RAPGEF5: variants seen among roughly 807,000 people sequenced by gnomAD.
RAPGEF5 encodes Rap guanine nucleotide exchange factor 5.
Under a neutral mutation model 125.2 loss-of-function variants are expected in RAPGEF5, and 65 were observed. That is an observed-to-expected ratio of 0.52 (90% CI 0.43 to 0.64). The LOEUF is 0.64. Among genes scored for constraint, RAPGEF5 ranks in the 30% least tolerant of loss-of-function variants. The pLI, the probability that RAPGEF5 is intolerant of heterozygous loss-of-function variation, is 0.00. For synonymous variants in RAPGEF5, 391 were observed against 385.9 expected (o/e 1.01, Z -0.16); for missense variants, 958 against 1,048.1 (o/e 0.91, Z 1.19).
intron 1 of RAPGEF5, among the ~76,000 whole-genome samples, chr7:22,336,313 G>A (rs368323083): frequency 1.5e-4 from 23 of 152,288 alleles, no homozygotes; most frequent in African/African-American, 5.5e-4. Flanking sequence ...ACTACATGAA[G>A]TGGTTCCAAA....
chr7:22,345,435 A>C (rs1784204313), intron 1 of RAPGEF5, among the ~76,000 whole-genome samples: 1 of 152,218 alleles, frequency 6.6e-6, no homozygotes, highest in Non-Finnish European at 1.5e-5. Context: ...AGCATCCTCT[A>C]CATAACTAGG....
chr7:22,239,984 G>A (rs1012745623), intron 7 of RAPGEF5, among the ~76,000 whole-genome samples: 4 of 151,982 alleles, frequency 2.6e-5, no homozygotes, highest in Admixed American at 6.5e-5. Context: ...CGAGGCGGGC[G>A]GATCACCTGA....
At position 22,192,872 on chromosome 7, in the gene RAPGEF5, A is replaced by G. The variant is rs113689359; in HGVS notation, c.1204+495T>C. The G allele has an allele frequency of 8.2e-3, 1,395 of 170,854 alleles. 25 individuals are homozygous for G. The highest frequency in any genetic ancestry group is 0.031 in the African/African-American group (1,286 of 41,910). 10.6% of individuals were successfully genotyped at this position (170,854 alleles called of 1,614,324 possible). The stretch of plus-strand genomic sequence containing the variant: ...AGTCTGCACCTCGGGGCTTGTTCTG[A>G]CCAGGCAGTTTGTAAACCACTTGGA... On this transcript the variant is annotated intron_variant, in intron 11 of 25. Coordinates refer to ENST00000665637, the MANE Select transcript of RAPGEF5 (RefSeq NM_012294.5).
chr7:22,273,196 A>T (rs1213980867), intron 6 of RAPGEF5, among the ~76,000 whole-genome samples: 1 of 150,462 alleles, frequency 6.6e-6, no homozygotes, highest in East Asian at 2.0e-4. Context: ...CATCTGTTTC[A>T]AGGCACTTAG....
chr7:22,189,669 A>AG (rs1784932351), intron 11 of RAPGEF5, among the ~76,000 whole-genome samples: 1 of 150,042 alleles, frequency 6.7e-6, no homozygotes, highest in South Asian at 2.1e-4. Flanking sequence ...TGAACCTTGG[A>AG]AAAAAAAAAG....
chr7:22,307,335 G>A (rs975350310), intron 5 of RAPGEF5, among the ~76,000 whole-genome samples: 2 of 152,188 alleles, frequency 1.3e-5, no homozygotes, highest in South Asian at 2.1e-4. Context: ...AAATGGTGGA[G>A]GTGAGGTGGT....
chr7:22,280,184 G>GC (rs1337593706), intron 6 of RAPGEF5, among the ~76,000 whole-genome samples: 1 of 152,032 alleles, frequency 6.6e-6, no homozygotes, highest in Non-Finnish European at 1.5e-5. Context: ...CCACACAATG[G>GC]CCTCATACAG....
intron 7 of RAPGEF5, among the ~76,000 whole-genome samples, chr7:22,256,869 A>C (rs1284293013): frequency 1.3e-5 from 2 of 152,238 alleles, no homozygotes; most frequent in Non-Finnish European, 2.9e-5. Context: ...AATCTTATGA[A>C]GCCTTAAAAT....
chr7:22,326,299 A>G (rs1783813082), intron 1 of RAPGEF5, among the ~76,000 whole-genome samples: 1 of 152,192 alleles, frequency 6.6e-6, no homozygotes, highest in African/African-American at 2.4e-5. Context: ...CCTCTAAACG[A>G]TGTGAGACAG....
chr7:22,196,931 A>G (rs1335018293), intron 9 of RAPGEF5, among the ~76,000 whole-genome samples: 5 of 152,220 alleles, frequency 3.3e-5, no homozygotes, highest in Non-Finnish European at 7.3e-5. Context: ...GAGGAACAGT[A>G]AAGAGGCAGA....
chr7:22,147,152 G>A lies in RAPGEF5; in HGVS notation c.1885-133C>T. 12 of 1,205,752 alleles carry A rather than the reference G, an allele frequency of 1.0e-5. No individual in the cohort carries two copies. The South Asian group carries it at 1.8e-4, about 18-fold the overall frequency. 74.7% of individuals were successfully genotyped at this position (1,205,752 alleles called of 1,614,324 possible). A position where few individuals can be genotyped will look rare whatever the true frequency, so the allele number is the denominator to read the frequency against. ...CTGAGTGCACTTAATATTTTCCCTGGTCTGTTCACCTTCAGTGAGTTACAG... is the reference window on the plus strand; with the variant it reads ...CTGAGTGCACTTAATATTTTCCCTGATCTGTTCACCTTCAGTGAGTTACAG... On this transcript the variant is annotated intron_variant, in intron 18 of 25. Coordinates refer to ENST00000665637, the MANE Select transcript of RAPGEF5 (RefSeq NM_012294.5).
intron 4 of RAPGEF5, 138 bp downstream of exon 4, chr7:22,309,831 A>C (rs1201579764): frequency 1.7e-5 from 18 of 1,043,338 alleles, no homozygotes; most frequent in Non-Finnish European, 2.3e-5. Context: ...TGTCACTTAG[A>C]AAATAAGAGA....
chr7:22,281,509 T>G (rs370326608), intron 6 of RAPGEF5, among the ~76,000 whole-genome samples: 27 of 152,324 alleles, frequency 1.8e-4, no homozygotes, highest in African/African-American at 5.8e-4. Context: ...ACACTGCACC[T>G]GGTGAAGAAG....
chr7:22,207,358 G>A (rs867460952), intron 9 of RAPGEF5, among the ~76,000 whole-genome samples: 33 of 152,188 alleles, frequency 2.2e-4, no homozygotes, highest in African/African-American at 9.6e-5. Flanking sequence ...GGAGAGTTGC[G>A]CGTTATAGTT....
At chr7:22,172,933 C>G (rs1181839015) in intron 11 of RAPGEF5, among the ~76,000 whole-genome samples, 1 of 152,182 alleles carries the variant, frequency 6.6e-6, no homozygotes, top group Non-Finnish European at 1.5e-5. Flanking sequence ...TGACAGGCAA[C>G]TGCCTATAGT....
chr7:22,289,067 G>A lies in RAPGEF5; in HGVS notation c.747+2108C>T, dbSNP rs140152683. Among the ~76,000 whole-genome samples the A allele has an allele frequency of 1.8e-3, 271 of 152,270 alleles. 1 individual carries two copies. Among genetic ancestry groups the A allele is most frequent in the African/African-American group, 6.2e-3 (258 of 41,558 alleles). On this transcript the variant is annotated intron_variant, in intron 6 of 25. Transcript: ENST00000665637. ...TAATTATCATCTCCAAATCCTGACT[G>A]TTTTCAATGGTGGTTCAAGTCCAGT...
intron 23 of RAPGEF5, among the ~76,000 whole-genome samples, chr7:22,133,995 A>G: frequency 6.6e-6 from 1 of 152,194 alleles, no homozygotes. Context: ...CAAGGAGTTC[A>G]ATTTGGTCCC....
intron 5 of RAPGEF5, among the ~76,000 whole-genome samples, chr7:22,307,034 G>A (rs571021811): frequency 4.4e-4 from 67 of 152,180 alleles, no homozygotes; most frequent in African/African-American, 1.4e-3. Context: ...TGGCTATTCC[G>A]GATCTTTTGT....
chr7:22,323,162 T>C (rs1461228543), intron 1 of RAPGEF5, among the ~76,000 whole-genome samples: 1 of 152,208 alleles, frequency 6.6e-6, no homozygotes, highest in African/African-American at 2.4e-5. Context: ...GTCTGCACAG[T>C]AGCGTAGTAC....
Sources: gnomAD v4.1 joint callset for allele counts (sites outside exome capture counted in the v4.1 genomes callset) on GRCh38, gnomAD v4.1.1 for gene constraint, MANE v1.5 for transcripts, NCBI Gene and HGNC (gene_info 2026-07-23, HGNC 2026-07-21) for gene names.